The following HHIP variants were observed in gnomAD, a reference collection of about 807,000 sequenced individuals.
HHIP encodes hedgehog interacting protein, also known as hedgehog-interacting protein.
A neutral mutation model predicts 74.0 loss-of-function variants in HHIP; 12 were observed. That is an observed-to-expected ratio of 0.16 (90% CI 0.10 to 0.26). HHIP has a LOEUF of 0.26. Among genes scored for constraint, HHIP ranks in the 10% least tolerant of loss-of-function variants. HHIP has a pLI of 1.00. For synonymous variants in HHIP, 309 were observed against 311.6 expected (o/e 0.99, Z 0.09); for missense variants, 788 against 845.0 (o/e 0.93, Z 0.84).
In HHIP at chr4:144,719,803, G is replaced by A. The variant is rs576052257; in HGVS notation, c.1760+847G>A. Among the ~76,000 whole-genome samples the A allele has an allele frequency of 4.7e-4, 71 of 152,186 alleles. 1 individual carries two copies. The highest frequency in any genetic ancestry group is 1.6e-3 in the African/African-American group (68 of 41,544). ...TTAGCCACACCATGCTGCAAATTTC[G>A]GATTCCTTCTATACTATTTTCATGA... On this transcript the variant is annotated intron_variant, in intron 11 of 12. Coordinates refer to ENST00000296575, the MANE Select transcript of HHIP (RefSeq NM_022475.3).
chr4:144,670,174 T>G (rs1728993534), intron 4 of HHIP, among the ~76,000 whole-genome samples: 1 of 142,222 alleles, frequency 7.0e-6, no homozygotes, highest in South Asian at 2.2e-4. Context: ...TCCCCCGCAG[T>G]AATTGGTCCC....
At chr4:144,673,223 CAGTGGGTCAAT>C (rs1489374623) in intron 4 of HHIP, among the ~76,000 whole-genome samples, 1 of 152,164 alleles carries the variant, frequency 6.6e-6, no homozygotes, top group East Asian at 1.9e-4. Flanking sequence ...TTCTACCTTT[CAGTGGGTCAAT>C]ACTTGAAAGA....
chr4:144,739,631 G>A lies in HHIP; in HGVS notation c.*1674G>A, dbSNP rs1731214696. 1 of 152,168 alleles carries A rather than the reference G, an allele frequency of 6.6e-6. No homozygotes were observed. 9.4% of individuals were successfully genotyped at this position (152,168 alleles called of 1,614,324 possible). A position where few individuals can be genotyped will look rare whatever the true frequency, so the allele number is the denominator to read the frequency against. ...TTGTCTTCCATATATGATTACTTAA[G>A]TTTCAAGTGACCTCATGCCAAATGG... On this transcript the variant is annotated 3_prime_UTR_variant, in exon 13 of 13. Transcript: ENST00000296575.
chr4:144,659,668 G>C lies in HHIP; in HGVS notation c.661G>C (p.Glu221Gln). The stretch of plus-strand genomic sequence containing the variant: ...CAAACACAACTGCTTCTGTATTCAG[G>C]AGGTTGTGAGTGGGCTGCGGCAGCC... ...KHKHNCFCIQ[E>Q]VVSGLRQPVG... The change falls in exon 4 of 13, where the codon GAG becomes CAG. Residue 221 changes from glutamate to glutamine, a missense_variant. By Grantham distance (29) the Glu-to-Gln change is conservative. Coordinates refer to ENST00000296575, the MANE Select transcript of HHIP (RefSeq NM_022475.3). The C allele has an allele frequency of 6.5e-7, 1 of 1,543,772 alleles. No homozygotes were observed. The highest frequency in any genetic ancestry group is 8.7e-7 in the Non-Finnish European group (1 of 1,150,666).
At chr4:144,688,547 A>G (rs1729548915) in intron 4 of HHIP, among the ~76,000 whole-genome samples, 1 of 152,222 alleles carries the variant, frequency 6.6e-6, no homozygotes, top group African/African-American at 2.4e-5. Flanking sequence ...AAGCCTAAAT[A>G]TTAGAACTTA....
At chr4:144,730,443 A>G (rs898669322) in intron 11 of HHIP, among the ~76,000 whole-genome samples, 1 of 152,108 alleles carries the variant, frequency 6.6e-6, no homozygotes, top group African/African-American at 2.4e-5. Flanking sequence ...AGCCTAAACA[A>G]CCTCTTGGGT....
At chr4:144,664,789 A>G (rs1487720682) in intron 4 of HHIP, among the ~76,000 whole-genome samples, 1 of 152,224 alleles carries the variant, frequency 6.6e-6, no homozygotes, top group Non-Finnish European at 1.5e-5. Flanking sequence ...CAATAGAAGA[A>G]TCACCATTGT....
Position 144,646,611 on chromosome 4 carries a change from C to A in HHIP, c.-65C>A. 6.5e-7 allele frequency: 1 copy of A among 1,527,524 alleles called. No individual in the cohort carries two copies. Among genetic ancestry groups the A allele is most frequent in the East Asian group, 2.3e-5 (1 of 44,350 alleles). 94.6% of individuals were successfully genotyped at this position (1,527,524 alleles called of 1,614,324 possible). A position where few individuals can be genotyped will look rare whatever the true frequency, so the allele number is the denominator to read the frequency against. On this transcript the variant is annotated 5_prime_UTR_variant, in exon 1 of 13. Transcript: ENST00000296575. The stretch of plus-strand genomic sequence containing the variant: ...TCCTCCTGGAGCTGCGCCCTAGTGC[C>A]CCTGCTGGGCAGTGGCGTTCCCCCC...
In HHIP at chr4:144,740,090, G is replaced by A. The variant is rs956267209; in HGVS notation, c.*2133G>A. On this transcript the variant is annotated 3_prime_UTR_variant, in exon 13 of 13. Transcript: ENST00000296575. ...AACAAAATGTGAACTTCTTGTGAGGGAGCCAGCTGTCTAAATCTGTCAAAT... is the reference window on the plus strand; with the variant it reads ...AACAAAATGTGAACTTCTTGTGAGGAAGCCAGCTGTCTAAATCTGTCAAAT... 2.0e-5 allele frequency: 3 copies of A among 152,078 alleles called. No homozygotes were observed. The highest frequency in any genetic ancestry group is 4.4e-5 in the Non-Finnish European group (3 of 68,028). 9.4% of individuals were successfully genotyped at this position (152,078 alleles called of 1,614,324 possible).
chr4:144,659,569 G>T, intron 3 of HHIP, 68 bp from the exon 4 acceptor site: 1 of 1,024,414 alleles, frequency 9.8e-7, no homozygotes, highest in Non-Finnish European at 1.3e-6. Flanking sequence ...GTTTGAAAAG[G>T]ATGCCAAGTG....
chr4:144,741,022 A>T lies in HHIP; in HGVS notation c.*3065A>T, dbSNP rs951494453. ...TATTTAAGGTAATAAAAGGAACACA[A>T]TTTGGCAGATCTTTAAGTGAAAGAG... On this transcript the variant is annotated 3_prime_UTR_variant, in exon 13 of 13. Coordinates refer to ENST00000296575, the MANE Select transcript of HHIP (RefSeq NM_022475.3). 2.0e-5 allele frequency: 3 copies of T among 152,170 alleles called. No homozygotes were observed. The highest frequency in any genetic ancestry group is 7.2e-5 in the African/African-American group (3 of 41,438). 9.4% of individuals were successfully genotyped at this position (152,170 alleles called of 1,614,324 possible).
intron 4 of HHIP, among the ~76,000 whole-genome samples, chr4:144,682,877 C>T (rs2126623672): frequency 6.6e-6 from 1 of 152,322 alleles, no homozygotes; most frequent in Non-Finnish European, 1.5e-5. Flanking sequence ...GACTGTTACC[C>T]TTCCCAGTCT....
At chr4:144,736,153 T>TTTTTTA (rs1578734380) in intron 12 of HHIP, among the ~76,000 whole-genome samples, 1 of 150,288 alleles carries the variant, frequency 6.7e-6, no homozygotes, top group Non-Finnish European at 1.5e-5. Context: ...TTTTTTTTTT[T>TTTTTTA]GAGGTGGAGT....
chr4:144,707,283 G>T, intron 6 of HHIP, 23 bp downstream of exon 6: 1 of 1,561,382 alleles, frequency 6.4e-7, no homozygotes, highest in Non-Finnish European at 8.7e-7. Context: ...TCACAGATGG[G>T]TTCCTCTCAA....
chr4:144,661,999 T>G (rs1728727995), intron 4 of HHIP, among the ~76,000 whole-genome samples: 1 of 152,164 alleles, frequency 6.6e-6, no homozygotes, highest in South Asian at 2.1e-4. Flanking sequence ...CGTTTGAAAT[T>G]GAGAATAATA....
chr4:144,689,792 G>T (rs546163685), intron 4 of HHIP, among the ~76,000 whole-genome samples: 1 of 151,886 alleles, frequency 6.6e-6, no homozygotes, highest in African/African-American at 2.4e-5. Context: ...TCTTTTCTAG[G>T]TAAATTATTT....
chr4:144,655,953 G>A (rs993683667), intron 2 of HHIP, among the ~76,000 whole-genome samples: 2 of 152,028 alleles, frequency 1.3e-5, no homozygotes, highest in African/African-American at 4.8e-5. Flanking sequence ...CAAGATAGTT[G>A]ATAAATGATC....
At chr4:144,705,781 A>G (rs1358340721) in intron 4 of HHIP, among the ~76,000 whole-genome samples, 1 of 152,216 alleles carries the variant, frequency 6.6e-6, no homozygotes, top group Non-Finnish European at 1.5e-5. Context: ...TAATAACACA[A>G]GAAAGTTGTT....
intron 11 of HHIP, among the ~76,000 whole-genome samples, chr4:144,733,171 T>G (rs1731008787): frequency 6.6e-6 from 1 of 152,182 alleles, no homozygotes; most frequent in African/African-American, 2.4e-5. Flanking sequence ...AGAAAGACAC[T>G]TTTGAGGAAC....
Sources: gnomAD v4.1 joint callset for allele counts (sites outside exome capture counted in the v4.1 genomes callset) on GRCh38, gnomAD v4.1.1 for gene constraint, MANE v1.5 for transcripts, NCBI Gene and HGNC (gene_info 2026-07-23, HGNC 2026-07-21) for gene names.